Variants in GABRG2 observed in about 807,000 individuals in gnomAD.
The protein encoded by GABRG2 is gamma-aminobutyric acid type A receptor subunit gamma2, also known as gamma-aminobutyric acid receptor subunit gamma-2.
GABRG2 carries 16 observed loss-of-function variants against 56.4 expected under a neutral mutation model. That is an observed-to-expected ratio of 0.28 (90% confidence interval 0.19 to 0.43). The LOEUF is 0.43. Among genes scored for constraint, GABRG2 ranks in the 20% least tolerant of loss-of-function variants. The pLI is 1.00. For synonymous variants in GABRG2, 208 were observed against 205.5 expected (o/e 1.01, Z -0.10); for missense variants, 327 against 582.7 (o/e 0.56, Z 4.52).
At position 162,117,665 on chromosome 5, in the gene GABRG2, A is replaced by T. The variant is rs546639236; in HGVS notation, c.769+13639A>T. Among the ~76,000 whole-genome samples, 459 of 152,294 alleles carry T rather than the reference A, an allele frequency of 3.0e-3. 1 individual carries two copies. Among genetic ancestry groups the T allele is most frequent in the South Asian group, 5.0e-3 (24 of 4,834 alleles). On this transcript the variant is annotated intron_variant, in intron 6 of 9. Coordinates refer to ENST00000639213, the MANE Select transcript of GABRG2 (RefSeq NM_198904.4). ...TAACAATAATTTAAAATATTGCCAT[A>T]TGGCTAGTTATGAGTAGAACTAAAG...
intron 1 of GABRG2, among the ~76,000 whole-genome samples, chr5:162,090,273 C>T (rs937193341): frequency 2.0e-5 from 3 of 151,826 alleles, no homozygotes; most frequent in Non-Finnish European, 2.9e-5. Flanking sequence ...TACACGTACA[C>T]GTACACTTAC....
chr5:162,127,033 C>G (rs1763384488), intron 6 of GABRG2, among the ~76,000 whole-genome samples: 2 of 151,752 alleles, frequency 1.3e-5, no homozygotes, highest in Non-Finnish European at 2.9e-5. Context: ...GCACCATTAC[C>G]TCTGCAAACC....
At chr5:162,097,590 A>G (rs560668060) in intron 3 of GABRG2, 48 bp from the exon 4 acceptor site, 3 of 1,342,102 alleles carry the variant, frequency 2.2e-6, no homozygotes, top group Admixed American at 1.7e-5. Context: ...ATTTAAAAAG[A>G]TAATCTTACT....
chr5:162,147,804 C>T (rs542920861), intron 7 of GABRG2, among the ~76,000 whole-genome samples: 43 of 152,178 alleles, frequency 2.8e-4, no homozygotes, highest in African/African-American at 1.0e-3. Flanking sequence ...TTCTGTCCCC[C>T]GTAAGAAATA....
In GABRG2 at chr5:162,153,588, A is replaced by G; in HGVS notation, c.*220A>G. 1 of 610,854 alleles carries G rather than the reference A, an allele frequency of 1.6e-6. No individual in the cohort carries two copies. The highest frequency in any genetic ancestry group is 2.9e-5 in the Admixed American group (1 of 34,186). 37.8% of individuals were successfully genotyped at this position (610,854 alleles called of 1,614,324 possible). ...ATGTTTGCTGTGTTTCAAACCTGCA[A>G]GGCAAAGTAAAATTAGAGCAAGAAC... On this transcript the variant is annotated 3_prime_UTR_variant, in exon 10 of 10. Transcript: ENST00000639213.
At chr5:162,089,001 GA>G (rs1188035796) in intron 1 of GABRG2, among the ~76,000 whole-genome samples, 1 of 152,106 alleles carries the variant, frequency 6.6e-6, no homozygotes, top group Non-Finnish European at 1.5e-5. Context: ...ACAGACAATA[GA>G]GAAGTCAACA....
At chr5:162,076,032 G>C (rs1188352922) in intron 1 of GABRG2, among the ~76,000 whole-genome samples, 1 of 151,952 alleles carries the variant, frequency 6.6e-6, no homozygotes, top group Non-Finnish European at 1.5e-5. Context: ...CACGCCTGTG[G>C]TCCTAGCTTC....
rs1561647235 is a variant in GABRG2 at position 162,109,409 on chromosome 5, TA to T, written c.769+5384del. On this transcript the variant is annotated intron_variant, in intron 6 of 9. Coordinates refer to ENST00000639213, the MANE Select transcript of GABRG2 (RefSeq NM_198904.4). The stretch of plus-strand genomic sequence containing the variant: ...AGTATAATATATATATATATATATA[TA>T]TATATATATATATTTATTTATATAA... Among the ~76,000 whole-genome samples, 13 of 138,900 alleles carry T rather than the reference TA, an allele frequency of 9.4e-5. 1 individual carries two copies. Among genetic ancestry groups the T allele is most frequent in the African/African-American group, 3.0e-4 (11 of 36,378 alleles). The allele number at this position is 138,900 out of a possible 152,430, so 91.1% of individuals were successfully genotyped here. A position where few individuals can be genotyped will look rare whatever the true frequency, so the allele number is the denominator to read the frequency against.
At chr5:162,096,197 C>T (rs1046727728) in intron 3 of GABRG2, among the ~76,000 whole-genome samples, 7 of 152,036 alleles carry the variant, frequency 4.6e-5, no homozygotes, top group South Asian at 4.1e-4. Context: ...ATGTGCCAAT[C>T]GAGGTGATAT....
intron 1 of GABRG2, among the ~76,000 whole-genome samples, chr5:162,077,950 G>A (rs1394489775): frequency 1.3e-5 from 2 of 151,980 alleles, no homozygotes; most frequent in East Asian, 3.9e-4. Flanking sequence ...GAAGGGAGTG[G>A]GAGAGAGGGC....
At chr5:162,141,302 G>A (rs1480141335) in intron 6 of GABRG2, among the ~76,000 whole-genome samples, 1 of 152,178 alleles carries the variant, frequency 6.6e-6, no homozygotes, top group African/African-American at 2.4e-5. Context: ...CTCCCAAAGT[G>A]CTGGGATTAC....
chr5:162,153,056 A>G (rs754396222), intron 9 of GABRG2, 37 bp from the exon 10 acceptor site: 1 of 1,613,440 alleles, frequency 6.2e-7, no homozygotes, highest in Non-Finnish European at 8.5e-7. Flanking sequence ...CTCGAGAACA[A>G]CTAACTGATC....
chr5:162,090,811 C>T (rs1760514196), intron 1 of GABRG2, among the ~76,000 whole-genome samples: 1 of 152,100 alleles, frequency 6.6e-6, no homozygotes, highest in African/African-American at 2.4e-5. Context: ...TGCTCTCTAT[C>T]CACTCAACTG....
intron 4 of GABRG2, chr5:162,100,191 G>A (rs1284458942): frequency 6.6e-6 from 1 of 151,980 alleles, no homozygotes; most frequent in Non-Finnish European, 1.5e-5. Flanking sequence ...ACTCTACCCA[G>A]TGCTTCATAG....
chr5:162,090,061 A>C (rs1416895841), intron 1 of GABRG2, among the ~76,000 whole-genome samples: 1 of 152,132 alleles, frequency 6.6e-6, no homozygotes, highest in East Asian at 1.9e-4. Context: ...ATCCTTCTAA[A>C]TAAGATTGAT....
chr5:162,079,601 G>A (rs1446416571), intron 1 of GABRG2, among the ~76,000 whole-genome samples: 1 of 151,668 alleles, frequency 6.6e-6, no homozygotes, highest in East Asian at 1.9e-4. Flanking sequence ...TATATTCTAG[G>A]AGAAGGGCAT....
intron 1 of GABRG2, among the ~76,000 whole-genome samples, chr5:162,089,113 C>T (rs371273548): frequency 6.6e-6 from 1 of 152,002 alleles, no homozygotes; most frequent in Non-Finnish European, 1.5e-5. Context: ...ATGGTCTCTA[C>T]GATGGGATGT....
In GABRG2 at chr5:162,149,199, T is replaced by C. The variant is rs1057521488; in HGVS notation, c.1014T>C (p.Phe338=). ...CCTATGTCACAGCGATGGATCTCTTTGTATCTGTTTGTTTCATCTTTGTCT... is the reference window on the plus strand; with the variant it reads ...CCTATGTCACAGCGATGGATCTCTTCGTATCTGTTTGTTTCATCTTTGTCT... ...KVSYVTAMDL[F]VSVCFIFVFS... The change falls in exon 8 of 10, where the codon TTT becomes TTC. Residue 338 remains phenylalanine (F), a synonymous_variant. Coordinates refer to ENST00000639213, the MANE Select transcript of GABRG2 (RefSeq NM_198904.4). 4 of 1,614,052 alleles carry C rather than the reference T, an allele frequency of 2.5e-6. No homozygotes were observed. The highest frequency in any genetic ancestry group is 1.3e-5 in the African/African-American group (1 of 74,920).
chr5:162,144,920 A>G (rs998103422), intron 7 of GABRG2, among the ~76,000 whole-genome samples: 3 of 152,212 alleles, frequency 2.0e-5, no homozygotes, highest in Non-Finnish European at 2.9e-5. Flanking sequence ...GGAAATGCTT[A>G]TCTAATGTGT....
Sources: allele counts gnomAD v4.1 joint callset (sites outside exome capture counted in the v4.1 genomes callset), GRCh38; gene constraint gnomAD v4.1.1; transcripts MANE v1.5; gene names NCBI Gene and HGNC (gene_info 2026-07-23, HGNC 2026-07-21).